The following CTNND2 variants were observed in gnomAD, a reference collection of about 807,000 sequenced individuals.
CTNND2 encodes catenin delta 2.
A neutral mutation model predicts 144.4 loss-of-function variants in CTNND2; 22 were observed. That is an observed-to-expected ratio of 0.15 (90% CI 0.11 to 0.22). CTNND2 has a LOEUF of 0.22. Ranked by LOEUF, CTNND2 falls within the 10% of genes least tolerant of loss-of-function variation. CTNND2 has a pLI of 1.00. For synonymous variants in CTNND2, 751 were observed against 695.6 expected (o/e 1.08, Z -1.25); for missense variants, 1,353 against 1,618.8 (o/e 0.84, Z 2.82).
chr5:11,745,014 G>A (rs993855228), intron 1 of CTNND2, among the ~76,000 whole-genome samples: 1 of 152,134 alleles, frequency 6.6e-6, no homozygotes, highest in South Asian at 2.1e-4. Context: ...TTACAGGCAT[G>A]AGCCACCATG....
intron 3 of CTNND2, among the ~76,000 whole-genome samples, chr5:11,422,941 C>T (rs540530590): frequency 3.9e-5 from 6 of 152,230 alleles, no homozygotes; most frequent in South Asian, 2.1e-4. Context: ...ATAGTATTCC[C>T]GGAAGCTTCT....
chr5:11,752,197 G>A (rs1054058853), intron 1 of CTNND2, among the ~76,000 whole-genome samples: 1 of 151,818 alleles, frequency 6.6e-6, no homozygotes, highest in Non-Finnish European at 1.5e-5. Context: ...AAACTCTTTA[G>A]TTTAATTAGG....
intron 7 of CTNND2, 61 bp from the exon 8 acceptor site, chr5:11,364,951 AT>A (rs1756824851): frequency 7.0e-7 from 1 of 1,425,544 alleles, no homozygotes; most frequent in African/African-American, 1.5e-5. Context: ...AACTTGTTTA[AT>A]CAAAGACATA....
At chr5:11,404,018 G>A (rs1180203770) in intron 5 of CTNND2, among the ~76,000 whole-genome samples, 1 of 152,032 alleles carries the variant, frequency 6.6e-6, no homozygotes, top group Admixed American at 6.6e-5. Context: ...CAAAATTATA[G>A]AGGACTCCAA....
At chr5:11,715,830 C>T (rs1239980278) in intron 2 of CTNND2, among the ~76,000 whole-genome samples, 4 of 152,052 alleles carry the variant, frequency 2.6e-5, no homozygotes, top group African/African-American at 4.8e-5. Flanking sequence ...ATGAAAATGA[C>T]AAAAAACAAA....
intron 12 of CTNND2, among the ~76,000 whole-genome samples, chr5:11,140,331 CTCT>C (rs1756606378): frequency 1.3e-5 from 2 of 152,194 alleles, no homozygotes; most frequent in Admixed American, 1.3e-4. Flanking sequence ...TACTCCTAGG[CTCT>C]TCTTTTAATA....
At chr5:11,821,159 T>C (rs911941696) in intron 1 of CTNND2, among the ~76,000 whole-genome samples, 1 of 152,290 alleles carries the variant, frequency 6.6e-6, no homozygotes, top group East Asian at 1.9e-4. Flanking sequence ...CAATATAAAC[T>C]TAGGTCTAAT....
intron 3 of CTNND2, among the ~76,000 whole-genome samples, chr5:11,492,157 T>C (rs747965488): frequency 3.0e-4 from 46 of 152,188 alleles, no homozygotes; most frequent in Admixed American, 7.9e-4. Context: ...AAACCACACA[T>C]GCCCATGTGG....
rs140143397 is a variant in CTNND2, at chr5:11,393,409, T to C, written c.612+3622A>G. On this transcript the variant is annotated intron_variant, in intron 6 of 21. Transcript: ENST00000304623. ...TGCCAGTGCTCTGTCTACAGATGTA[T>C]ATTTTTATATTTCTTGCATAGTTTT... 5.7e-3 allele frequency among the ~76,000 whole-genome samples: 871 copies of C among 152,370 alleles called. 2 individuals carry two copies. The highest frequency in any genetic ancestry group is 9.3e-3 in the Non-Finnish European group (632 of 68,038).
At chr5:11,693,257 T>C (rs757696931) in intron 2 of CTNND2, among the ~76,000 whole-genome samples, 9 of 152,152 alleles carry the variant, frequency 5.9e-5, no homozygotes, top group Non-Finnish European at 1.0e-4. Flanking sequence ...TGATCAAAGA[T>C]TTCCCAGCCC....
intron 7 of CTNND2, among the ~76,000 whole-genome samples, chr5:11,377,580 T>C (rs1758062777): frequency 6.6e-6 from 1 of 152,106 alleles, no homozygotes; most frequent in African/African-American, 2.4e-5. Flanking sequence ...GAATTCTATA[T>C]AAAGATGCCA....
At chr5:11,146,480 C>G (rs570766817) in intron 12 of CTNND2, among the ~76,000 whole-genome samples, 1 of 152,174 alleles carries the variant, frequency 6.6e-6, no homozygotes, top group Non-Finnish European at 1.5e-5. Context: ...CTAAACCTCT[C>G]TAAGCTTCAG....
At chr5:11,826,872 T>C (rs1466856247) in intron 1 of CTNND2, among the ~76,000 whole-genome samples, 1 of 152,004 alleles carries the variant, frequency 6.6e-6, no homozygotes, top group Non-Finnish European at 1.5e-5. Context: ...AATCCATAAT[T>C]ATTGTTGGAG....
At chr5:11,129,314 A>ATATATAATATATAT (rs1554050177) in intron 12 of CTNND2, among the ~76,000 whole-genome samples, 36 of 99,704 alleles carry the variant, frequency 3.6e-4, no homozygotes, top group African/African-American at 8.6e-4. Context: ...ATATATATAA[A>ATATATAATATATAT]TATATATAAT....
intron 19 of CTNND2, among the ~76,000 whole-genome samples, chr5:10,989,291 G>C (rs56247544): frequency 0.11 from 17,152 of 152,120 alleles, 1,131 homozygotes; most frequent in East Asian, 0.2. Context: ...CTCAGGTGCC[G>C]TGTCCTTCTG....
At chr5:11,342,052 T>G (rs1051632190) in intron 9 of CTNND2, among the ~76,000 whole-genome samples, 5 of 152,166 alleles carry the variant, frequency 3.3e-5, no homozygotes, top group African/African-American at 1.2e-4. Flanking sequence ...TTTCCTGAGC[T>G]TTCAATTCAC....
chr5:11,422,537 C>T (rs940224225), intron 3 of CTNND2, among the ~76,000 whole-genome samples: 7 of 152,172 alleles, frequency 4.6e-5, no homozygotes, highest in African/African-American at 1.7e-4. Flanking sequence ...GTAACAGCTC[C>T]CACACCACGG....
intron 14 of CTNND2, among the ~76,000 whole-genome samples, chr5:11,101,887 A>ATGTGTGTG (rs201704440): frequency 0.046 from 6,630 of 145,224 alleles, 168 homozygotes; most frequent in East Asian, 0.065. Flanking sequence ...ACGACCACAT[A>ATGTGTGTG]TGTGTGTGTG....
At chr5:11,646,917 C>G (rs1275353922) in intron 2 of CTNND2, among the ~76,000 whole-genome samples, 1 of 152,196 alleles carries the variant, frequency 6.6e-6, no homozygotes. Context: ...TCTTCAGTCT[C>G]CCTGCACACA....
Sources: allele counts gnomAD v4.1 joint callset (sites outside exome capture counted in the v4.1 genomes callset), GRCh38; gene constraint gnomAD v4.1.1; transcripts MANE v1.5; gene names NCBI Gene and HGNC (gene_info 2026-07-23, HGNC 2026-07-21).